The following DNAJB6 variants were observed in gnomAD, a reference collection of about 807,000 sequenced individuals.
DNAJB6 encodes DnaJ heat shock protein family (Hsp40) member B6, also known as dnaJ homolog subfamily B member 6.
Under a neutral mutation model 42.7 loss-of-function variants are expected in DNAJB6, and 16 were observed. The ratio of observed to expected loss-of-function variants is 0.37; its 90% CI spans 0.25 to 0.57. The LOEUF is 0.57. DNAJB6 is among the 20% of genes least tolerant of loss of function. The pLI is 0.74. For missense variants in DNAJB6, 347 were observed against 416.8 expected (o/e 0.83, Z 1.46); for synonymous variants, 170 against 163.5 (o/e 1.04, Z -0.30).
chr7:157,400,307 T>G (rs937049178), intron 8 of DNAJB6, among the ~76,000 whole-genome samples: 10 of 151,022 alleles, frequency 6.6e-5, no homozygotes, highest in Admixed American at 4.6e-4. Flanking sequence ...GTGTACGCAC[T>G]TGTACGTAGG....
intron 1 of DNAJB6, among the ~76,000 whole-genome samples, chr7:157,342,800 A>G (rs1303450864): frequency 6.6e-6 from 1 of 152,172 alleles, no homozygotes; most frequent in Non-Finnish European, 1.5e-5. Flanking sequence ...AGTATCTAAT[A>G]GGTGATGAGT....
intron 9 of DNAJB6, 26 bp downstream of exon 9, chr7:157,410,027 G>C: frequency 6.6e-7 from 1 of 1,510,024 alleles, no homozygotes; most frequent in South Asian, 1.2e-5. Flanking sequence ...CAGCCGTGGA[G>C]CAGGCGCAGA....
At chr7:157,384,140 G>A (rs1045071649) in intron 6 of DNAJB6, among the ~76,000 whole-genome samples, 1 of 152,098 alleles carries the variant, frequency 6.6e-6, no homozygotes, top group Non-Finnish European at 1.5e-5. Flanking sequence ...CTTTAATATC[G>A]AAAAATAGGT....
At chr7:157,340,338 G>A (rs113592734) in intron 1 of DNAJB6, among the ~76,000 whole-genome samples, 1 of 152,188 alleles carries the variant, frequency 6.6e-6, no homozygotes, top group South Asian at 2.1e-4. Context: ...TAGCGAGTAA[G>A]AGTAGGATCA....
intron 8 of DNAJB6, among the ~76,000 whole-genome samples, chr7:157,408,851 C>T (rs993682018): frequency 2.0e-5 from 3 of 152,268 alleles, no homozygotes; most frequent in Non-Finnish European, 2.9e-5. Flanking sequence ...CGTAAACTCT[C>T]TGCTGTGCCA....
chr7:157,366,255 A>G (rs1242896127), intron 3 of DNAJB6, among the ~76,000 whole-genome samples: 1 of 152,216 alleles, frequency 6.6e-6, no homozygotes, highest in East Asian at 1.9e-4. Context: ...CTGGCCGTAA[A>G]TACTTAAATA....
chr7:157,340,997 T>TGTGCGCGTGTGCGC (rs902019051), intron 1 of DNAJB6, among the ~76,000 whole-genome samples: 36 of 118,400 alleles, frequency 3.0e-4, no homozygotes, highest in African/African-American at 9.9e-4. Context: ...TGTGTGTGTG[T>TGTGCGCGTGTGCGC]GCGCGCGCGC....
At chr7:157,368,293 G>A (rs1013642445) in intron 5 of DNAJB6, among the ~76,000 whole-genome samples, 9 of 152,176 alleles carry the variant, frequency 5.9e-5, no homozygotes, top group Non-Finnish European at 4.4e-5. Context: ...GCATGGGTGC[G>A]AGTGTCTTGG....
At chr7:157,343,434 C>T (rs886895311) in intron 1 of DNAJB6, among the ~76,000 whole-genome samples, 1 of 152,034 alleles carries the variant, frequency 6.6e-6, no homozygotes, top group Non-Finnish European at 1.5e-5. Flanking sequence ...GGATTACAGG[C>T]GTGAGCCACC....
At position 157,409,962 on chromosome 7, in the gene DNAJB6, C is replaced by T. The variant is rs1584952292; in HGVS notation, c.859C>T (p.Arg287Trp). Reference sequence around the variant, plus strand: ...GGAGGAGGGCGAGCAGGACCGACCTCGGGCACCCGGGCCCTGGGACCCCCT... The same window carrying T: ...GGAGGAGGGCGAGCAGGACCGACCTTGGGCACCCGGGCCCTGGGACCCCCT... ...SEEEGEQDRP[R>W]APGPWDPLAS... The change falls in exon 9 of 10, where the codon CGG becomes TGG. Residue 287 changes from arginine (R) to tryptophan (W), a missense_variant. Arg to Trp is a moderately radical substitution (Grantham distance 101). Coordinates refer to ENST00000262177, the MANE Select transcript of DNAJB6 (RefSeq NM_058246.4). 3 of 1,535,494 alleles carry T rather than the reference C, an allele frequency of 2.0e-6. No individual in the cohort carries two copies. Among genetic ancestry groups the T allele is most frequent in the South Asian group, 1.2e-5 (1 of 83,966 alleles).
intron 8 of DNAJB6, among the ~76,000 whole-genome samples, chr7:157,396,020 T>G (rs1352511750): frequency 1.3e-5 from 2 of 150,472 alleles, no homozygotes; most frequent in African/African-American, 2.5e-5. Flanking sequence ...TGAACTCGGC[T>G]CACTGCAACC....
rs972382657 is a variant in DNAJB6, at chr7:157,416,361, T to G, written c.*263T>G. 8 of 478,268 alleles carry G rather than the reference T, an allele frequency of 1.7e-5. No individual in the cohort carries two copies. The highest frequency in any genetic ancestry group is 3.9e-5 in the African/African-American group (2 of 51,604). The allele number at this position is 478,268 out of a possible 1,614,324, so 29.6% of individuals were successfully genotyped here. ...CTCAATCTGCTGCATTTTCCTCTAG[T>G]GCTTCCGGATCCTCTTCATTCTTTT... On this transcript the variant is annotated 3_prime_UTR_variant, in exon 10 of 10. Coordinates refer to ENST00000262177, the MANE Select transcript of DNAJB6 (RefSeq NM_058246.4).
intron 8 of DNAJB6, among the ~76,000 whole-genome samples, chr7:157,396,317 C>T (rs1801582560): frequency 6.6e-6 from 1 of 152,194 alleles, no homozygotes; most frequent in South Asian, 2.1e-4. Flanking sequence ...CTCAGCCTAA[C>T]CAGGGAGCGG....
intron 5 of DNAJB6, among the ~76,000 whole-genome samples, chr7:157,370,453 G>C (rs925625647): frequency 6.6e-6 from 1 of 152,100 alleles, no homozygotes; most frequent in African/African-American, 2.4e-5. Flanking sequence ...TTAACATTAT[G>C]ATTATTATTT....
intron 4 of DNAJB6, among the ~76,000 whole-genome samples, chr7:157,366,967 G>A (rs1040315677): frequency 1.3e-5 from 2 of 152,186 alleles, no homozygotes; most frequent in African/African-American, 2.4e-5. Context: ...CCTCCCCAGG[G>A]GTGTTGGGAA....
chr7:157,364,056 G>T (rs1362518343), intron 3 of DNAJB6, among the ~76,000 whole-genome samples: 1 of 152,000 alleles, frequency 6.6e-6, no homozygotes, highest in Non-Finnish European at 1.5e-5. Flanking sequence ...TTGGTTAAGT[G>T]TATCTGCATG....
chr7:157,387,332 A>G (rs1801117534), intron 8 of DNAJB6, among the ~76,000 whole-genome samples: 1 of 152,134 alleles, frequency 6.6e-6, no homozygotes, highest in Non-Finnish European at 1.5e-5. Context: ...CTGTCTCTGG[A>G]TAAGGTAGGT....
chr7:157,398,294 A>G (rs887335721), intron 8 of DNAJB6, among the ~76,000 whole-genome samples: 1 of 152,152 alleles, frequency 6.6e-6, no homozygotes, highest in Admixed American at 6.5e-5. Context: ...CCAGGCATGC[A>G]TTTTTGGTTG....
chr7:157,366,055 A>G (rs929217788), intron 3 of DNAJB6, among the ~76,000 whole-genome samples: 102 of 152,162 alleles, frequency 6.7e-4, no homozygotes, highest in African/African-American at 2.4e-3. Context: ...GGTTCCAGCT[A>G]TTCTCTTGCC....
Sources: gnomAD v4.1 joint callset for allele counts (sites outside exome capture counted in the v4.1 genomes callset) on GRCh38, gnomAD v4.1.1 for gene constraint, MANE v1.5 for transcripts, NCBI Gene and HGNC (gene_info 2026-07-23, HGNC 2026-07-21) for gene names.